Variants in SORCS2 observed in about 807,000 individuals in gnomAD.
SORCS2 encodes the protein sortilin related VPS10 domain containing receptor 2.
In SORCS2, 100 loss-of-function variants were observed where a neutral mutation model predicts 141.6. That is an observed-to-expected ratio of 0.71 (90% CI 0.60 to 0.83). The LOEUF is 0.83. Among genes scored for constraint, SORCS2 ranks in the 40% least tolerant of loss-of-function variants. SORCS2 has a pLI of 0.00. For synonymous variants in SORCS2, 789 were observed against 676.9 expected, an observed-to-expected ratio of 1.17 and a Z score of -2.57; for missense variants, 1,646 against 1,560.2, an observed-to-expected ratio of 1.05 and a Z score of -0.93.
chr4:7,438,778 G>C (rs546955681), intron 2 of SORCS2, among the ~76,000 whole-genome samples: 2 of 151,490 alleles, frequency 1.3e-5, no homozygotes, highest in African/African-American at 4.9e-5. Context: ...CACTTGCTTC[G>C]AGGTTCTCAC....
chr4:7,494,630 C>T (rs1731504998), intron 2 of SORCS2, among the ~76,000 whole-genome samples: 1 of 152,378 alleles, frequency 6.6e-6, no homozygotes, highest in South Asian at 2.1e-4. Context: ...AAGGCCCCAT[C>T]TCCAAATACC....
chr4:7,439,519 G>A (rs1222213169), intron 2 of SORCS2, among the ~76,000 whole-genome samples: 10 of 152,136 alleles, frequency 6.6e-5, no homozygotes, highest in African/African-American at 2.4e-4. Context: ...CCTGCAGAAC[G>A]CACACCCTAG....
intron 1 of SORCS2, among the ~76,000 whole-genome samples, chr4:7,267,267 G>A (rs955054371): frequency 1.3e-5 from 2 of 152,140 alleles, no homozygotes; most frequent in Admixed American, 6.5e-5. Context: ...TTACCTAAGC[G>A]TTAAATTCGT....
At chr4:7,717,097 A>G (rs151258114) in intron 17 of SORCS2, among the ~76,000 whole-genome samples, 15 of 152,332 alleles carry the variant, frequency 9.8e-5, no homozygotes, top group African/African-American at 3.4e-4. Context: ...GAGCTTCACA[A>G]GTAGCAAGCT....
intron 3 of SORCS2, among the ~76,000 whole-genome samples, chr4:7,573,332 C>T (rs1358966759): frequency 6.6e-6 from 1 of 152,168 alleles, no homozygotes; most frequent in African/African-American, 2.4e-5. Context: ...CCTTTGCATA[C>T]AAATGTTGAC....
intron 4 of SORCS2, among the ~76,000 whole-genome samples, chr4:7,650,228 G>A (rs1280489591): frequency 6.6e-6 from 1 of 152,214 alleles, no homozygotes; most frequent in East Asian, 1.9e-4. Flanking sequence ...TCTTCCGTCT[G>A]CACGAGGTAT....
chr4:7,622,299 T>C (rs1719246713), intron 3 of SORCS2, among the ~76,000 whole-genome samples: 1 of 152,242 alleles, frequency 6.6e-6, no homozygotes, highest in Non-Finnish European at 1.5e-5. Flanking sequence ...CTCGCCACTG[T>C]ATGTGCATGG....
intron 3 of SORCS2, among the ~76,000 whole-genome samples, chr4:7,630,064 GCCACCGGCATGTC>G (rs1199380970): frequency 6.6e-6 from 1 of 152,154 alleles, no homozygotes; most frequent in Admixed American, 6.5e-5. Flanking sequence ...CACCACAGCA[GCCACCGGCATGTC>G]CCCCTGGGCC....
chr4:7,378,788 C>T (rs1054313018), intron 1 of SORCS2, among the ~76,000 whole-genome samples: 6 of 152,216 alleles, frequency 3.9e-5, no homozygotes, highest in Non-Finnish European at 5.9e-5. Flanking sequence ...CTCCCTCAGA[C>T]CACCGTGGGC....
At chr4:7,277,993 C>A (rs1032315310) in intron 1 of SORCS2, among the ~76,000 whole-genome samples, 2 of 152,146 alleles carry the variant, frequency 1.3e-5, no homozygotes, top group East Asian at 3.9e-4. Context: ...TTGTGGATAC[C>A]TTGTCATTGG....
chr4:7,605,949 A>G (rs1001013038), intron 3 of SORCS2, among the ~76,000 whole-genome samples: 6 of 152,144 alleles, frequency 3.9e-5, no homozygotes, highest in Admixed American at 1.3e-4. Flanking sequence ...CAGGACCTGC[A>G]CCAGTGAAGT....
At chr4:7,560,793 G>C (rs141385136) in intron 3 of SORCS2, among the ~76,000 whole-genome samples, 1 of 152,244 alleles carries the variant, frequency 6.6e-6, no homozygotes, top group Non-Finnish European at 1.5e-5. Flanking sequence ...ATTGATTCTT[G>C]TAAGGCTGGG....
chr4:7,669,633 T>G (rs1204803953), intron 8 of SORCS2, among the ~76,000 whole-genome samples: 1 of 150,810 alleles, frequency 6.6e-6, no homozygotes, highest in Non-Finnish European at 1.5e-5. Flanking sequence ...AACTCTCTCT[T>G]TTTTTTCTTT....
chr4:7,724,129 G>GGTGGTGGTGGTGGTGATA (rs1553808120), intron 19 of SORCS2, among the ~76,000 whole-genome samples: 53 of 140,782 alleles, frequency 3.8e-4, no homozygotes, highest in African/African-American at 1.5e-3. Context: ...TGGTGGTGGT[G>GGTGGTGGTGGTGGTGATA]GTGGTGGTGG....
chr4:7,296,226 G>A lies in SORCS2; in HGVS notation c.481-100062G>A, dbSNP rs570079038. ...TTCCTGGACACCCATGAAAACACCCGGAACCCCTGCCCCTGCCCTCACAGC... is the reference window on the plus strand; with the variant it reads ...TTCCTGGACACCCATGAAAACACCCAGAACCCCTGCCCCTGCCCTCACAGC... On this transcript the variant is annotated intron_variant, in intron 1 of 26. Transcript: ENST00000507866. 3.9e-5 allele frequency among the ~76,000 whole-genome samples: 6 copies of A among 152,270 alleles called. No homozygotes were observed. In the East Asian group the frequency reaches 7.7e-4, roughly 20 times the overall value.
rs1194379796 is a variant in SORCS2 at position 7,612,394 on chromosome 4, C to G, written c.649-25934C>G. ...CCAGGCACCCTGCCGTGCCCTCCGG[C>G]TGCCTGCTCCCTCGGTCCTTCTGGC... On this transcript the variant is annotated intron_variant, in intron 3 of 26. Transcript: ENST00000507866. 2.6e-5 allele frequency among the ~76,000 whole-genome samples: 4 copies of G among 152,324 alleles called. No homozygotes were observed. The East Asian group carries it at 7.7e-4, about 29-fold the overall frequency.
intron 1 of SORCS2, among the ~76,000 whole-genome samples, chr4:7,366,326 T>G (rs575764498): frequency 8.5e-5 from 13 of 152,048 alleles, no homozygotes; most frequent in African/African-American, 2.7e-4. Flanking sequence ...GGCCTTGCGG[T>G]GAGTGCGTGG....
chr4:7,277,617 C>CG (rs1715588251), intron 1 of SORCS2, among the ~76,000 whole-genome samples: 1 of 151,958 alleles, frequency 6.6e-6, no homozygotes, highest in African/African-American at 2.4e-5. Flanking sequence ...TTGGATTAGA[C>CG]GGGGGAGATG....
intron 3 of SORCS2, among the ~76,000 whole-genome samples, chr4:7,596,714 T>C (rs1158623905): frequency 6.6e-6 from 1 of 152,072 alleles, no homozygotes; most frequent in African/African-American, 2.4e-5. Flanking sequence ...GGTGGAAGTT[T>C]CTCCATTGGG....
Sources: gnomAD v4.1 joint callset for allele counts (sites outside exome capture counted in the v4.1 genomes callset) on GRCh38, gnomAD v4.1.1 for gene constraint, MANE v1.5 for transcripts, NCBI Gene and HGNC (gene_info 2026-07-23, HGNC 2026-07-21) for gene names.